CNTN4: variants seen among roughly 807,000 people sequenced by gnomAD.
CNTN4 encodes contactin 4.
CNTN4 carries 77 observed loss-of-function variants against 122.5 expected under a neutral mutation model. That is an observed-to-expected ratio of 0.63 (90% CI 0.52 to 0.76). The LOEUF (loss-of-function observed/expected upper bound fraction) is 0.76, where lower values mean the gene tolerates loss of function less well. Ranked by LOEUF, CNTN4 falls within the 30% of genes least tolerant of loss-of-function variation. CNTN4 has a pLI of 0.00. For missense variants in CNTN4, 1,256 were observed against 1,259.1 expected, an observed-to-expected ratio of 1.00 and a Z score of 0.04; for synonymous variants, 512 against 447.0, an observed-to-expected ratio of 1.15 and a Z score of -1.83.
At chr3:2,752,733 GT>G (rs2090155054) in intron 6 of CNTN4, among the ~76,000 whole-genome samples, 1 of 152,030 alleles carries the variant, frequency 6.6e-6, no homozygotes, top group African/African-American at 2.4e-5. Context: ...GTAATTTTTT[GT>G]CTGTTAACCA....
chr3:2,904,185 C>A (rs2094205060), intron 12 of CNTN4, among the ~76,000 whole-genome samples: 2 of 152,174 alleles, frequency 1.3e-5, no homozygotes, highest in African/African-American at 2.4e-5. Flanking sequence ...AGTAGTCATT[C>A]TCCTTGGTGA....
chr3:2,487,687 T>G (rs2076201759), intron 3 of CNTN4, among the ~76,000 whole-genome samples: 1 of 152,234 alleles, frequency 6.6e-6, no homozygotes, highest in African/African-American at 2.4e-5. Flanking sequence ...TTAAAAGCCT[T>G]TGGCTAGATA....
intron 12 of CNTN4, 116 bp downstream of exon 12, chr3:2,903,121 G>A: frequency 1.0e-6 from 1 of 983,174 alleles, no homozygotes; most frequent in South Asian, 1.5e-5. Context: ...AAATCTTTAG[G>A]CCAAAGATGC....
intron 2 of CNTN4, among the ~76,000 whole-genome samples, chr3:2,280,654 A>G (rs2041681383): frequency 6.6e-6 from 1 of 152,216 alleles, no homozygotes; most frequent in African/African-American, 2.4e-5. Flanking sequence ...AAATACCACA[A>G]TAAAAAAGGA....
rs189424201 is a variant in CNTN4 at position 2,702,084 on chromosome 3, A to G, written c.56-34131A>G. Among the ~76,000 whole-genome samples the G allele has an allele frequency of 9.1e-4, 139 of 152,160 alleles. 2 individuals carry two copies. Among genetic ancestry groups the G allele is most frequent in the African/African-American group, 3.2e-3 (132 of 41,412 alleles). On this transcript the variant is annotated intron_variant, in intron 4 of 24. Coordinates refer to ENST00000418658, the MANE Select transcript of CNTN4 (RefSeq NM_175607.3). The stretch of plus-strand genomic sequence containing the variant: ...CTGGCCAGTAGAATGAATGGGCTCT[A>G]AGCTTTGTTGTTTTCTATCTCTGTA...
At chr3:2,714,192 A>G (rs1375664679) in intron 4 of CNTN4, among the ~76,000 whole-genome samples, 1 of 152,124 alleles carries the variant, frequency 6.6e-6, no homozygotes, top group East Asian at 1.9e-4. Context: ...TTTCACAACA[A>G]TTTTTTTAAA....
intron 3 of CNTN4, among the ~76,000 whole-genome samples, chr3:2,345,865 T>C (rs1271538968): frequency 6.6e-6 from 1 of 152,224 alleles, no homozygotes; most frequent in Non-Finnish European, 1.5e-5. Context: ...TTGACCATTA[T>C]GGCGTGATCC....
chr3:2,676,520 C>A (rs1319134135), intron 4 of CNTN4, among the ~76,000 whole-genome samples: 1 of 152,156 alleles, frequency 6.6e-6, no homozygotes, highest in East Asian at 1.9e-4. Flanking sequence ...CTGTGCCTGG[C>A]CAAGACTGAT....
chr3:2,359,049 G>A (rs540375648), intron 3 of CNTN4, among the ~76,000 whole-genome samples: 20 of 152,244 alleles, frequency 1.3e-4, no homozygotes, highest in Non-Finnish European at 1.2e-4. Flanking sequence ...ATCATTCTGA[G>A]CCTTTTCGCC....
At chr3:2,162,718 A>T (rs1434289845) in intron 2 of CNTN4, among the ~76,000 whole-genome samples, 2 of 152,204 alleles carry the variant, frequency 1.3e-5, no homozygotes, top group African/African-American at 4.8e-5. Context: ...GAAAATTTAA[A>T]GTTGAATATA....
chr3:2,231,619 T>G (rs2149547756), intron 2 of CNTN4, among the ~76,000 whole-genome samples: 2 of 152,308 alleles, frequency 1.3e-5, no homozygotes, highest in African/African-American at 4.8e-5. Flanking sequence ...ATTTAAGAAA[T>G]GTACCTTAGC....
intron 3 of CNTN4, among the ~76,000 whole-genome samples, chr3:2,351,015 A>C (rs761205603): frequency 6.6e-6 from 1 of 152,168 alleles, no homozygotes; most frequent in South Asian, 2.1e-4. Context: ...ATTTCTGTAC[A>C]ATGTACTGGT....
intron 3 of CNTN4, among the ~76,000 whole-genome samples, chr3:2,546,324 C>CAAA (rs56849200): frequency 7.2e-6 from 1 of 138,148 alleles, no homozygotes. Context: ...ACTATGCAGC[C>CAAA]AAAAAAAAAA....
At chr3:2,801,076 A>G (rs2092335631) in intron 6 of CNTN4, among the ~76,000 whole-genome samples, 2 of 151,884 alleles carry the variant, frequency 1.3e-5, no homozygotes, top group Non-Finnish European at 2.9e-5. Flanking sequence ...TCATGGTATT[A>G]TTTTCCTGCC....
chr3:2,680,771 A>G (rs2085122490), intron 4 of CNTN4, among the ~76,000 whole-genome samples: 1 of 152,212 alleles, frequency 6.6e-6, no homozygotes, highest in South Asian at 2.1e-4. Flanking sequence ...AAATCTCAAT[A>G]TAAAGTTGGA....
chr3:2,397,178 C>T (rs1254028589), intron 3 of CNTN4, among the ~76,000 whole-genome samples: 1 of 152,058 alleles, frequency 6.6e-6, no homozygotes, highest in Admixed American at 6.6e-5. Flanking sequence ...AATAATGCAC[C>T]ATGGATTGAA....
chr3:3,046,698 T>G (rs902856358), intron 23 of CNTN4, among the ~76,000 whole-genome samples: 8 of 152,106 alleles, frequency 5.3e-5, no homozygotes, highest in South Asian at 2.1e-4. Flanking sequence ...AGACCATTGA[T>G]GCTAGGAAGA....
chr3:2,385,372 C>A lies in CNTN4; in HGVS notation c.-89+46139C>A, dbSNP rs772353013. Among the ~76,000 whole-genome samples the A allele has an allele frequency of 1.3e-5, 2 of 152,076 alleles. No homozygotes were observed. The highest frequency in any genetic ancestry group is 2.9e-5 in the Non-Finnish European group (2 of 68,036). ...TTGCACTGAATAACCTATTAGCATACTTAAGGCAGAGTCTTTGTCCTTTTC... is the reference window on the plus strand; with the variant it reads ...TTGCACTGAATAACCTATTAGCATAATTAAGGCAGAGTCTTTGTCCTTTTC... On this transcript the variant is annotated intron_variant, in intron 3 of 24. Transcript: ENST00000418658. This position sits in a 1 kb window ranked among gnomAD's most constrained non-coding sequence, Gnocchi z 4.0.
At chr3:2,973,811 T>G (rs1693165141) in intron 13 of CNTN4, among the ~76,000 whole-genome samples, 1 of 152,186 alleles carries the variant, frequency 6.6e-6, no homozygotes, top group South Asian at 2.1e-4. Context: ...GTGAATAGAT[T>G]GGGCAGCTTT....
Sources: gnomAD v4.1 joint callset for allele counts (sites outside exome capture counted in the v4.1 genomes callset) on GRCh38, gnomAD v4.1.1 for gene constraint, Gnocchi (gnomAD v3.1) non-coding constraint, MANE v1.5 for transcripts, NCBI Gene and HGNC (gene_info 2026-07-23, HGNC 2026-07-21) for gene names.